The following KIAA1671 variants were observed in gnomAD, a reference collection of about 807,000 sequenced individuals.
The protein encoded by KIAA1671 is KIAA1671, also known as uncharacterized protein KIAA1671.
Under a neutral mutation model 131.2 loss-of-function variants are expected in KIAA1671, and 52 were observed. That is an observed-to-expected ratio of 0.40 (90% CI 0.32 to 0.50). The LOEUF is 0.50. KIAA1671 is among the 20% of genes least tolerant of loss of function. KIAA1671 has a pLI of 0.73. For synonymous variants in KIAA1671, 1,003 were observed against 961.6 expected (o/e 1.04, Z -0.80); for missense variants, 2,360 against 2,364.2 (o/e 1.00, Z 0.04).
intron 1 of KIAA1671, among the ~76,000 whole-genome samples, chr22:25,003,400 ATTTTTTTTTTT>A (rs71191013): frequency 0.21 from 23,885 of 113,960 alleles, 2,127 homozygotes; most frequent in East Asian, 0.47. Context: ...ACTTGGAGAG[ATTTTTTTTTTT>A]TTTTTTTTTT....
intron 6 of KIAA1671, chr22:25,111,828 C>T (rs1300044890): frequency 7.4e-6 from 1 of 135,126 alleles, no homozygotes; most frequent in Non-Finnish European, 1.5e-5. Context: ...GTGCAGCCGG[C>T]TTGTTCCTCA....
chr22:25,044,596 C>G (rs1335247459), intron 5 of KIAA1671, among the ~76,000 whole-genome samples: 1 of 151,522 alleles, frequency 6.6e-6, no homozygotes, highest in Non-Finnish European at 1.5e-5. Context: ...TCCCGTTTCT[C>G]TCTTGTCTCC....
intron 5 of KIAA1671, among the ~76,000 whole-genome samples, chr22:25,043,376 C>G (rs1861622042): frequency 1.3e-5 from 2 of 152,166 alleles, no homozygotes; most frequent in South Asian, 4.2e-4. Context: ...TCTTCCTGTA[C>G]AGATGGGGGG....
intron 6 of KIAA1671, among the ~76,000 whole-genome samples, chr22:25,104,529 G>T (rs5760855): frequency 0.4 from 60,384 of 151,970 alleles, 13,160 homozygotes; most frequent in African/African-American, 0.59. Flanking sequence ...GCCTTTGCAC[G>T]TGGTGTTCTC....
At position 25,093,719 on chromosome 22, in the gene KIAA1671, A is replaced by T. The variant is rs1447575803; in HGVS notation, c.4530+44355A>T. On this transcript the variant is annotated intron_variant, in intron 6 of 12. Coordinates refer to ENST00000358431, the MANE Select transcript of KIAA1671 (RefSeq NM_001145206.2). ...CACACACACACACACACACACACAC[A>T]CACACACACACACACACACTCTCTC... Among the ~76,000 whole-genome samples the T allele has an allele frequency of 7.3e-3, 761 of 104,304 alleles. 66 individuals carry two copies. Among genetic ancestry groups the T allele is most frequent in the African/African-American group, 0.021 (315 of 14,930 alleles). The allele number at this position is 104,304 out of a possible 152,430, so 68.4% of individuals were successfully genotyped here. A position where few individuals can be genotyped will look rare whatever the true frequency, so the allele number is the denominator to read the frequency against.
chr22:25,157,627 T>C (rs1436512249), intron 6 of KIAA1671, among the ~76,000 whole-genome samples: 1 of 152,084 alleles, frequency 6.6e-6, no homozygotes, highest in Non-Finnish European at 1.5e-5. Flanking sequence ...GAACATCAAA[T>C]TTGTCTATCT....
intron 6 of KIAA1671, among the ~76,000 whole-genome samples, chr22:25,159,267 G>C (rs1292791276): frequency 6.6e-6 from 1 of 152,190 alleles, no homozygotes; most frequent in East Asian, 1.9e-4. Context: ...TTGTCCCATG[G>C]AGACAGCATG....
At chr22:25,140,863 A>G (rs1325696938) in intron 6 of KIAA1671, among the ~76,000 whole-genome samples, 2 of 152,244 alleles carry the variant, frequency 1.3e-5, no homozygotes, top group Non-Finnish European at 2.9e-5. Flanking sequence ...CACTGTCATC[A>G]TGAATGGTTA....
At chr22:25,155,339 A>G (rs1933192385) in intron 6 of KIAA1671, among the ~76,000 whole-genome samples, 1 of 151,908 alleles carries the variant, frequency 6.6e-6, no homozygotes, top group Non-Finnish European at 1.5e-5. Context: ...TGCTGGGACC[A>G]TTCATTTGTG....
Position 25,179,369 on chromosome 22 carries a change from C to T in KIAA1671, c.5074+1847C>T, listed in dbSNP as rs562915857. ...TGCGCACCTCGGCCGCGTGCAGCTCCTCGCGCAGCCGCTCGCGCAGTGCGG... is the reference window on the plus strand; with the variant it reads ...TGCGCACCTCGGCCGCGTGCAGCTCTTCGCGCAGCCGCTCGCGCAGTGCGG... On this transcript the variant is annotated intron_variant, in intron 9 of 12. Coordinates refer to ENST00000358431, the MANE Select transcript of KIAA1671 (RefSeq NM_001145206.2). 66 of 1,604,150 alleles carry T rather than the reference C, an allele frequency of 4.1e-5. No homozygotes were observed. The East Asian group carries it at 9.7e-4, about 24-fold the overall frequency.
intron 1 of KIAA1671, among the ~76,000 whole-genome samples, chr22:24,992,244 C>A (rs1235665776): frequency 1.3e-5 from 2 of 152,136 alleles, no homozygotes; most frequent in Non-Finnish European, 2.9e-5. Context: ...ATGTCCATGC[C>A]TAGGGCTCTG....
At position 25,037,107 on chromosome 22, in the gene KIAA1671, G is replaced by A. The variant is rs1052244615; in HGVS notation, c.1630-1653G>A. ...GGAGGCTGAGGCAGGTGGATCACTT[G>A]AAGTCAGCAGTTCAAGACCAGCCTG... is the stretch of plus-strand genomic sequence containing the variant. On this transcript the variant is annotated intron_variant, in intron 4 of 12. Coordinates refer to ENST00000358431, the MANE Select transcript of KIAA1671 (RefSeq NM_001145206.2). 2.0e-5 allele frequency among the ~76,000 whole-genome samples: 3 copies of A among 152,158 alleles called. No individual in the cohort carries two copies. In the East Asian group the frequency reaches 5.8e-4, roughly 29 times the overall value.
intron 6 of KIAA1671, among the ~76,000 whole-genome samples, chr22:25,117,600 C>CACAG (rs1931736354): frequency 6.7e-6 from 1 of 148,960 alleles, no homozygotes; most frequent in Non-Finnish European, 1.5e-5. Flanking sequence ...CACACACACA[C>CACAG]ACACACACAC....
At chr22:25,188,294 C>T (rs1934543920) in intron 11 of KIAA1671, among the ~76,000 whole-genome samples, 1 of 128,276 alleles carries the variant, frequency 7.8e-6, no homozygotes. Context: ...GAGAGAGACT[C>T]CGTCTCAAAA....
At chr22:25,144,207 T>C (rs747154613) in intron 6 of KIAA1671, among the ~76,000 whole-genome samples, 28 of 152,340 alleles carry the variant, frequency 1.8e-4, no homozygotes, top group Non-Finnish European at 3.7e-4. Flanking sequence ...TTCAAGTTTT[T>C]CTACCTTTAC....
chr22:25,190,565 G>A (rs1051770394), intron 11 of KIAA1671, 137 bp from the exon 12 acceptor site: 5 of 642,340 alleles, frequency 7.8e-6, no homozygotes, highest in Non-Finnish European at 1.4e-5. Flanking sequence ...CGTTAATATG[G>A]GCATCTTTAC....
At chr22:24,958,952 G>T (rs1921866424) in intron 1 of KIAA1671, among the ~76,000 whole-genome samples, 1 of 142,462 alleles carries the variant, frequency 7.0e-6, no homozygotes, top group Non-Finnish European at 1.5e-5. Context: ...CTGCACTCCA[G>T]CCTGAACGAT....
intron 1 of KIAA1671, among the ~76,000 whole-genome samples, chr22:24,986,689 AC>A (rs1923564005): frequency 1.3e-5 from 1 of 75,352 alleles, no homozygotes; most frequent in African/African-American, 5.2e-5. Flanking sequence ...CCATCCACCC[AC>A]CCATCCATCC....
chr22:25,009,377 G>A (rs934314014), intron 1 of KIAA1671, among the ~76,000 whole-genome samples: 1 of 141,390 alleles, frequency 7.1e-6, no homozygotes, highest in Admixed American at 7.6e-5. Flanking sequence ...TGATTCTCCC[G>A]CCTCAGCCTC....
Sources: allele counts gnomAD v4.1 joint callset (sites outside exome capture counted in the v4.1 genomes callset), GRCh38; gene constraint gnomAD v4.1.1; transcripts MANE v1.5; gene names NCBI Gene and HGNC (gene_info 2026-07-23, HGNC 2026-07-21).